Variants in DHX38 observed in about 807,000 individuals in gnomAD.
DHX38 encodes DEAH-box helicase 38.
A neutral mutation model predicts 153.1 loss-of-function variants in DHX38; 100 were observed. The observed-to-expected ratio is 0.65, with a 90% confidence interval of 0.56 to 0.77. The LOEUF (loss-of-function observed/expected upper bound fraction) is 0.77, where lower values mean the gene tolerates loss of function less well. Among genes scored for constraint, DHX38 ranks in the 30% least tolerant of loss-of-function variants. DHX38 has a pLI of 0.00. For missense variants in DHX38, 1,440 were observed against 1,654.0 expected (o/e 0.87, Z 2.24); for synonymous variants, 650 against 631.7 (o/e 1.03, Z -0.43).
At position 72,098,651 on chromosome 16, in the gene DHX38, C is replaced by T; in HGVS notation, c.623C>T (p.Ala208Val). ...ESPRHRPKDAATPSRSTWEEE... is the reference protein window; with the variant it reads ...ESPRHRPKDAVTPSRSTWEEE... Reference sequence around the variant, plus strand: ...TGTGTCTTTTGTGGCCCAGATGCAGCCACCCCTTCAAGGTCTACCTGGGAG... The same window carrying T: ...TGTGTCTTTTGTGGCCCAGATGCAGTCACCCCTTCAAGGTCTACCTGGGAG... Residue 208 changes from alanine (A) to valine (V), a missense_variant, in exon 5 of 27, where the codon GCC becomes GTC. Ala to Val is a moderately conservative substitution (Grantham distance 64, BLOSUM62 0). Transcript: ENST00000268482. 1 of 1,613,852 alleles carries T rather than the reference C, an allele frequency of 6.2e-7. No individual in the cohort carries two copies. The highest frequency in any genetic ancestry group is 8.5e-7 in the Non-Finnish European group (1 of 1,179,762).
rs372224668 is a variant in DHX38, at chr16:72,112,335, T to TG, written c.3600-74dup. The TG allele has an allele frequency of 2.5e-5, 36 of 1,433,596 alleles. No individual in the cohort carries two copies. The African/African-American group carries it at 3.9e-4, about 16-fold the overall frequency. 88.8% of individuals were successfully genotyped at this position (1,433,596 alleles called of 1,614,324 possible). ...ACCATGGGTTAGGAACAGTAAGTCC[T>TG]GGGGCTCTGCATCCTCCTGCCCTCC... is the stretch of plus-strand genomic sequence containing the variant. On this transcript the variant is annotated intron_variant, in intron 26 of 26. Coordinates refer to ENST00000268482, the MANE Select transcript of DHX38 (RefSeq NM_014003.4).
intron 6 of DHX38, 64 bp from the exon 7 acceptor site, chr16:72,099,140 A>G: frequency 6.3e-7 from 1 of 1,596,068 alleles, no homozygotes; most frequent in Non-Finnish European, 8.5e-7. Flanking sequence ...GGCCCTGCAG[A>G]TCTGTCTGGG....
In DHX38 at chr16:72,110,384, C is replaced by T. The variant is rs565100810; in HGVS notation, c.3478-572C>T. ...CCTCCTCTTAGATGCCTTCAGGAGG[C>T]ATGTGAGGTCTGGTGGCCCCACCTT... On this transcript the variant is annotated intron_variant, in intron 25 of 26. Transcript: ENST00000268482. Among the ~76,000 whole-genome samples the T allele has an allele frequency of 1.1e-4, 17 of 152,302 alleles. No homozygotes were observed. The South Asian group carries it at 2.1e-3, about 19-fold the overall frequency.
chr16:72,105,776 C>A, intron 18 of DHX38, 152 bp downstream of exon 18: 1 of 803,522 alleles, frequency 1.2e-6, no homozygotes. Context: ...ACTCACTGTG[C>A]TTGGTTTGTT....
At chr16:72,110,882 G>A in intron 25 of DHX38, 74 bp from the exon 26 acceptor site, 6 of 1,498,830 alleles carry the variant, frequency 4.0e-6, no homozygotes, top group Admixed American at 4.3e-5. Flanking sequence ...TTGTGGCAGG[G>A]ACTTGGGTGC....
At chr16:72,101,255 CA>C in intron 10 of DHX38, 62 bp downstream of exon 10, 1 of 1,575,546 alleles carries the variant, frequency 6.3e-7, no homozygotes, top group Non-Finnish European at 8.7e-7. Flanking sequence ...TTCTTCTCTT[CA>C]TAAGTCTTAC....
chr16:72,103,307 A>C, intron 12 of DHX38, 96 bp downstream of exon 12: 1 of 1,484,810 alleles, frequency 6.7e-7, no homozygotes, highest in Non-Finnish European at 9.1e-7. Context: ...TGTGCATTGC[A>C]CCCAGTGGAG....
chr16:72,104,563 T>G lies in DHX38; in HGVS notation c.2088T>G (p.Phe696Leu), dbSNP rs373027022. The G allele has an allele frequency of 1.9e-6, 3 of 1,614,038 alleles. No homozygotes were observed. The highest frequency in any genetic ancestry group is 4.5e-5 in the East Asian group (2 of 44,872). Residue 696 changes from phenylalanine (F) to leucine (L), a missense_variant, in exon 15 of 27, where the codon TTT becomes TTG. Physicochemically the swap from Phe to Leu is conservative, Grantham distance 22. Coordinates refer to ENST00000268482, the MANE Select transcript of DHX38 (RefSeq NM_014003.4). This position sits in a 1 kb window ranked among gnomAD's most constrained non-coding sequence, Gnocchi z 4.5. ...ATGCGGAGAAGTTTGCTGCCTTTTTTGGGAATGTCCCCATCTTCCACATCC... is the reference window on the plus strand; with the variant it reads ...ATGCGGAGAAGTTTGCTGCCTTTTTGGGGAATGTCCCCATCTTCCACATCC... ...TMDAEKFAAF[F>L]GNVPIFHIPG...
chr16:72,102,901 A>G (rs553135495), intron 11 of DHX38, among the ~76,000 whole-genome samples, 173 bp from the exon 12 acceptor site: 2 of 152,318 alleles, frequency 1.3e-5, no homozygotes, highest in South Asian at 4.1e-4. Flanking sequence ...ATTCTCAAGT[A>G]GCAGTTTCAG....
Position 72,108,214 on chromosome 16 carries a change from T to C in DHX38, c.2965-13T>C. On this transcript the variant is annotated splice_polypyrimidine_tract_variant and intron_variant, in intron 21 of 26. Coordinates refer to ENST00000268482, the MANE Select transcript of DHX38 (RefSeq NM_014003.4). ...CCCTGTACTTAGAGTGAAGGTTCTT[T>C]TTCCCTTCCTAGGGTCGAGAGGAGG... 1 of 1,613,584 alleles carries C rather than the reference T, an allele frequency of 6.2e-7. No individual in the cohort carries two copies. Among genetic ancestry groups the C allele is most frequent in the Non-Finnish European group, 8.5e-7 (1 of 1,179,928 alleles).
At chr16:72,109,273 T>A (rs1335463904) in intron 24 of DHX38, 142 bp from the exon 25 acceptor site, 1 of 888,604 alleles carries the variant, frequency 1.1e-6, no homozygotes, top group Non-Finnish European at 1.7e-6. Context: ...TGGATGGGAG[T>A]ATCTGGGGTT....
At chr16:72,102,366 A>G (rs754836540) in intron 11 of DHX38, among the ~76,000 whole-genome samples, 6 of 152,114 alleles carry the variant, frequency 3.9e-5, no homozygotes, top group Non-Finnish European at 7.4e-5. Context: ...TCAGCAGAGC[A>G]TGGGGCGGCA....
chr16:72,111,115 C>T, intron 26 of DHX38, 38 bp downstream of exon 26: 1 of 1,526,584 alleles, frequency 6.6e-7, no homozygotes, highest in South Asian at 1.2e-5. Flanking sequence ...GGGGTGGCAC[C>T]CATCCCAGGA....
At chr16:72,108,705 C>A in intron 23 of DHX38, 95 bp from the exon 24 acceptor site, 1 of 1,586,222 alleles carries the variant, frequency 6.3e-7, no homozygotes, top group South Asian at 1.1e-5. Context: ...TCTGGGCTTC[C>A]GCCAAAGGCT....
In DHX38 at chr16:72,106,188, C is replaced by A. The variant is rs946854690; in HGVS notation, c.2600+71C>A. ...GCTGAGCGTGGAGCCCGGGCGGGGGCGGGCAGGATGCTGGCTCTAGAGCTG... is the reference window on the plus strand; with the variant it reads ...GCTGAGCGTGGAGCCCGGGCGGGGGAGGGCAGGATGCTGGCTCTAGAGCTG... On this transcript the variant is annotated intron_variant, in intron 19 of 26. Transcript: ENST00000268482. 6.4e-5 allele frequency: 94 copies of A among 1,457,886 alleles called. 1 individual carries two copies. Among genetic ancestry groups the A allele is most frequent in the Middle Eastern group, 4.0e-4 (2 of 5,016 alleles). 90.3% of individuals were successfully genotyped at this position (1,457,886 alleles called of 1,614,324 possible).
At chr16:72,109,542 G>C (rs540421015) in intron 25 of DHX38, 32 bp downstream of exon 25, 1 of 1,589,062 alleles carries the variant, frequency 6.3e-7, no homozygotes, top group African/African-American at 1.4e-5. Flanking sequence ...CAGGGGTGCT[G>C]TTTGCCTGTG....
At chr16:72,112,053 G>T in intron 26 of DHX38, 1 of 265,466 alleles carries the variant, frequency 3.8e-6, no homozygotes, top group East Asian at 7.2e-5. Context: ...CCAGTCACTT[G>T]GGAAATTCCA....
chr16:72,104,471 C>T lies in DHX38; in HGVS notation c.2011-15C>T, dbSNP rs775307612. The T allele has an allele frequency of 1.5e-5, 24 of 1,612,854 alleles. No individual in the cohort carries two copies. Among genetic ancestry groups the T allele is most frequent in the East Asian group, 2.2e-5 (1 of 44,872 alleles). ...GTCCCCACCATGGGGGCCTCCGAGC[C>T]GCCTCTTCTCTCAGGTAGTGGCTCG... On this transcript the variant is annotated splice_polypyrimidine_tract_variant and intron_variant, in intron 14 of 26. Transcript: ENST00000268482. The surrounding 1 kb of genome is among the most constrained non-coding windows in gnomAD (Gnocchi z 4.5).
At position 72,099,747 on chromosome 16, in the gene DHX38, T is replaced by C; in HGVS notation, c.976T>C (p.Trp326Arg). ...TGCCCTGCAGCAAGCCGATCGGGAT[T>C]GGTACATGATGGACGAGGGCTATGA... ...EDDQRQADRDWYMMDEGYDEF... is the reference protein window; with the variant it reads ...EDDQRQADRDRYMMDEGYDEF... The change falls in exon 8 of 27, where the codon TGG becomes CGG. Residue 326 changes from tryptophan (W) to arginine (R), a missense_variant. Physicochemically the swap from Trp to Arg is moderately radical, Grantham distance 101. This residue lies in a region of DHX38 where 483 missense variants were observed against 465.1 expected (regional missense o/e 1.04). Coordinates refer to ENST00000268482, the MANE Select transcript of DHX38 (RefSeq NM_014003.4). 1.9e-6 allele frequency: 3 copies of C among 1,614,132 alleles called. No homozygotes were observed. Among genetic ancestry groups the C allele is most frequent in the Non-Finnish European group, 2.5e-6 (3 of 1,179,998 alleles).
Sources: allele counts gnomAD v4.1 joint callset (sites outside exome capture counted in the v4.1 genomes callset), GRCh38; gene constraint gnomAD v4.1.1; regional missense constraint gnomAD v4.1.1; non-coding constraint Gnocchi (gnomAD v3.1); transcripts MANE v1.5; gene names NCBI Gene and HGNC (gene_info 2026-07-23, HGNC 2026-07-21).